The following PTH2R variants were observed in gnomAD, a reference collection of about 807,000 sequenced individuals.
The protein encoded by PTH2R is parathyroid hormone 2 receptor.
Under a neutral mutation model 60.3 loss-of-function variants are expected in PTH2R, and 59 were observed. The ratio of observed to expected loss-of-function variants is 0.98; its 90% CI spans 0.79 to 1.22. PTH2R has a LOEUF of 1.22. PTH2R is among the 50% of genes most tolerant of loss of function. The probability of loss-of-function intolerance (pLI) is 0.00; values close to 1 mark genes in which losing one functional copy is unlikely to be tolerated. For synonymous variants in PTH2R, 256 were observed against 243.8 expected, an observed-to-expected ratio of 1.05 and a Z score of -0.47; for missense variants, 749 against 682.6, an observed-to-expected ratio of 1.10 and a Z score of -1.08.
intron 5 of PTH2R, 53 bp downstream of exon 5, chr2:208,442,514 C>A: frequency 7.5e-7 from 1 of 1,330,260 alleles, no homozygotes; most frequent in Non-Finnish European, 1.1e-6. Flanking sequence ...CTTTCCTATC[C>A]AGAGAAGACA....
intron 9 of PTH2R, among the ~76,000 whole-genome samples, chr2:208,462,866 C>A (rs1702661521): frequency 6.6e-6 from 1 of 152,148 alleles, no homozygotes; most frequent in South Asian, 2.1e-4. Flanking sequence ...GGAGGCCGGG[C>A]CAGACCCTGA....
At chr2:208,442,305 T>C in intron 4 of PTH2R, 59 bp from the exon 5 acceptor site, 2 of 1,230,070 alleles carry the variant, frequency 1.6e-6, no homozygotes, top group Non-Finnish European at 2.4e-6. Flanking sequence ...ATACTATTTC[T>C]TTGCCAGTTT....
At chr2:208,467,425 C>T (rs1041218896) in intron 9 of PTH2R, among the ~76,000 whole-genome samples, 2 of 152,134 alleles carry the variant, frequency 1.3e-5, no homozygotes, top group Non-Finnish European at 2.9e-5. Flanking sequence ...GTGCACTACA[C>T]GCAATCTGCT....
chr2:208,363,844 C>T (rs991372907), intron 1 of PTH2R, among the ~76,000 whole-genome samples: 2 of 152,108 alleles, frequency 1.3e-5, no homozygotes, highest in Non-Finnish European at 2.9e-5. Flanking sequence ...CTGTCATTTG[C>T]CCACTTTTTA....
chr2:208,486,508 C>T (rs1440156990), intron 10 of PTH2R, among the ~76,000 whole-genome samples: 1 of 152,158 alleles, frequency 6.6e-6, no homozygotes, highest in Non-Finnish European at 1.5e-5. Flanking sequence ...TAGTCATACA[C>T]AGTAGGAAAA....
At chr2:208,431,358 C>A (rs1486387328) in intron 2 of PTH2R, among the ~76,000 whole-genome samples, 1 of 152,080 alleles carries the variant, frequency 6.6e-6, no homozygotes, top group Non-Finnish European at 1.5e-5. Context: ...ATTGTAATAT[C>A]TATAGACTGC....
At position 208,407,012 on chromosome 2, in the gene PTH2R, G is replaced by A; in HGVS notation, c.-32G>A. On this transcript the variant is annotated 5_prime_UTR_variant, in exon 1 of 13. Coordinates refer to ENST00000272847, the MANE Select transcript of PTH2R (RefSeq NM_005048.4). ...AAGCTTCTCCCGGGCTCTGGAGGAGGGTCCCTGCTTCTTCCTACAGCCGTT... is the reference window on the plus strand; with the variant it reads ...AAGCTTCTCCCGGGCTCTGGAGGAGAGTCCCTGCTTCTTCCTACAGCCGTT... The A allele has an allele frequency of 1.5e-6, 2 of 1,371,168 alleles. No individual in the cohort carries two copies. The highest frequency in any genetic ancestry group is 1.9e-6 in the Non-Finnish European group (2 of 1,055,368). 84.9% of individuals were successfully genotyped at this position (1,371,168 alleles called of 1,614,324 possible).
intron 1 of PTH2R, among the ~76,000 whole-genome samples, chr2:208,383,267 C>T (rs1700948385): frequency 6.6e-6 from 1 of 151,906 alleles, no homozygotes; most frequent in Admixed American, 6.6e-5. Context: ...CAGAATATAC[C>T]AGCTGGTCCT....
intron 8 of PTH2R, among the ~76,000 whole-genome samples, chr2:208,458,547 AG>A (rs1398454717): frequency 6.6e-6 from 1 of 152,092 alleles, no homozygotes; most frequent in Non-Finnish European, 1.5e-5. Context: ...ACATCACCCA[AG>A]TATTAAGCCC....
chr2:208,479,560 A>G (rs1703097938), intron 9 of PTH2R, among the ~76,000 whole-genome samples: 1 of 152,136 alleles, frequency 6.6e-6, no homozygotes, highest in Non-Finnish European at 1.5e-5. Flanking sequence ...AGAAAGTAGC[A>G]CTCACGTGCT....
chr2:208,371,751 A>G (rs1700705079), intron 1 of PTH2R, among the ~76,000 whole-genome samples: 1 of 152,096 alleles, frequency 6.6e-6, no homozygotes, highest in Admixed American at 6.5e-5. Flanking sequence ...TCTCTGAGTC[A>G]TCATAGGTTG....
upstream of PTH2R, among the ~76,000 whole-genome samples, chr2:208,406,530 T>C (rs1351599872): frequency 6.6e-6 from 1 of 152,184 alleles, no homozygotes; most frequent in African/African-American, 2.4e-5. Context: ...AAGAAACTTC[T>C]GGATCACTCC....
chr2:208,391,053 C>T (rs891910811), intron 1 of PTH2R, among the ~76,000 whole-genome samples: 11 of 152,052 alleles, frequency 7.2e-5, no homozygotes, highest in Admixed American at 3.3e-4. Flanking sequence ...GAAAGAAGAA[C>T]GGTGTAAGGC....
At chr2:208,380,926 G>A (rs189667678) in intron 1 of PTH2R, among the ~76,000 whole-genome samples, 82 of 152,136 alleles carry the variant, frequency 5.4e-4, no homozygotes, top group African/African-American at 1.9e-3. Flanking sequence ...GTGAGAAAAT[G>A]GATGCTCTGA....
chr2:208,444,652 A>T, intron 6 of PTH2R, 82 bp from the exon 7 acceptor site: 1 of 1,347,770 alleles, frequency 7.4e-7, no homozygotes, highest in Non-Finnish European at 1.0e-6. Context: ...GAAACTGAAG[A>T]CTTGTTTTTT....
At chr2:208,372,910 C>T (rs1700727704) in intron 1 of PTH2R, among the ~76,000 whole-genome samples, 1 of 151,948 alleles carries the variant, frequency 6.6e-6, no homozygotes, top group Non-Finnish European at 1.5e-5. Context: ...CATGGCAAAA[C>T]CCCGTCTCCA....
intron 1 of PTH2R, among the ~76,000 whole-genome samples, chr2:208,379,470 T>C (rs886178388): frequency 6.6e-6 from 1 of 152,138 alleles, no homozygotes; most frequent in African/African-American, 2.4e-5. Context: ...TGTCTTTTGC[T>C]CATTGGAAAG....
intron 9 of PTH2R, among the ~76,000 whole-genome samples, chr2:208,474,650 G>A (rs951584010): frequency 1.3e-5 from 2 of 152,242 alleles, no homozygotes; most frequent in Admixed American, 6.5e-5. Context: ...AGTTTGATGG[G>A]AGTGGACTCA....
In PTH2R at chr2:208,453,017, C is replaced by A. The variant is rs561473026; in HGVS notation, c.914+2208C>A. ...ATTCTTTCTACAGTATCACTGATAG[C>A]TTCTCACTCTTCAGTTGATTTAACA... On this transcript the variant is annotated intron_variant, in intron 8 of 12. Transcript: ENST00000272847. Among the ~76,000 whole-genome samples, 29 of 152,302 alleles carry A rather than the reference C, an allele frequency of 1.9e-4. 2 individuals are homozygous for A. The South Asian group carries it at 5.8e-3, about 31-fold the overall frequency.
Sources: allele counts gnomAD v4.1 joint callset (sites outside exome capture counted in the v4.1 genomes callset), GRCh38; gene constraint gnomAD v4.1.1; transcripts MANE v1.5; gene names NCBI Gene and HGNC (gene_info 2026-07-23, HGNC 2026-07-21).